The following DVL1 variants were observed in gnomAD, a reference collection of about 807,000 sequenced individuals.
DVL1 encodes the protein dishevelled segment polarity protein 1, also known as segment polarity protein dishevelled homolog DVL-1.
In DVL1, 49 loss-of-function variants were observed where a neutral mutation model predicts 65.0. The observed-to-expected ratio is 0.75, with a 90% CI of 0.60 to 0.96. The LOEUF (loss-of-function observed/expected upper bound fraction) is 0.96. Among genes scored for constraint, DVL1 ranks in the 40% least tolerant of loss-of-function variants. The probability of loss-of-function intolerance (pLI) is 0.00; values close to 1 mark genes in which losing one functional copy is unlikely to be tolerated. For missense variants in DVL1, 1,197 were observed against 1,045.4 expected (o/e 1.15, Z -2.00); for synonymous variants, 608 against 433.9 (o/e 1.40, Z -4.99).
At chr1:1,342,590 C>T in intron 2 of DVL1, 99 bp downstream of exon 2, 1 of 1,574,492 alleles carries the variant, frequency 6.4e-7, no homozygotes, top group East Asian at 2.3e-5. Flanking sequence ...CCGCACCCAG[C>T]CTGCCAGGGC....
intron 5 of DVL1, 92 bp downstream of exon 5, chr1:1,341,575 G>A (rs2100746322): frequency 4.1e-6 from 6 of 1,456,252 alleles, no homozygotes; most frequent in South Asian, 4.0e-5. Flanking sequence ...CACGTGCAAT[G>A]TGAAAACACC....
intron 1 of DVL1, among the ~76,000 whole-genome samples, chr1:1,348,565 C>T (rs1643958435): frequency 6.6e-6 from 1 of 152,242 alleles, no homozygotes; most frequent in Non-Finnish European, 1.5e-5. Flanking sequence ...GCCCCTGACC[C>T]CAGCCCGCAC....
At chr1:1,337,817 T>G in intron 14 of DVL1, 160 bp downstream of exon 14, 1 of 725,336 alleles carries the variant, frequency 1.4e-6, no homozygotes, top group Non-Finnish European at 2.5e-6. Flanking sequence ...GAGCATGGGA[T>G]TGGGGTCAGC....
At chr1:1,338,232 C>CA in intron 13 of DVL1, 37 bp downstream of exon 13, 2 of 917,122 alleles carry the variant, frequency 2.2e-6, no homozygotes, top group Non-Finnish European at 3.4e-6. Context: ...CCGGCGTTCC[C>CA]CTCCCCCCCG....
chr1:1,347,784 C>T (rs746759411), intron 1 of DVL1, among the ~76,000 whole-genome samples: 11 of 152,230 alleles, frequency 7.2e-5, no homozygotes, highest in South Asian at 4.2e-4. Context: ...GCAGGAGGGC[C>T]GCTGAGCCGA....
intron 1 of DVL1, among the ~76,000 whole-genome samples, chr1:1,345,140 G>A (rs1266541571): frequency 6.6e-6 from 1 of 152,018 alleles, no homozygotes; most frequent in Non-Finnish European, 1.5e-5. Flanking sequence ...AAGCCCGCAT[G>A]GCCCACCCAG....
Position 1,342,502 on chromosome 1 carries a change from A to T in DVL1, c.241-18T>A. On this transcript the variant is annotated intron_variant, in intron 2 of 14. Transcript: ENST00000378888. ...AGGACCAGCTGTGGAGGGAGCAGGC[A>T]TGCTCAGGGGAGCCCACCCGCCTTC... 6.2e-7 allele frequency: 1 copy of T among 1,608,724 alleles called. No individual in the cohort carries two copies. Among genetic ancestry groups the T allele is most frequent in the Non-Finnish European group, 8.5e-7 (1 of 1,178,614 alleles).
rs1382463447 is a variant in DVL1 at position 1,340,093 on chromosome 1, T to C, written c.854A>G (p.Lys285Arg). 4.3e-6 allele frequency: 7 copies of C among 1,613,264 alleles called. No individual in the cohort carries two copies. The African/African-American group carries it at 8.0e-5, about 18-fold the overall frequency. The change falls in exon 8 of 15, where the codon AAG becomes AGG. Residue 285 changes from lysine to arginine, a missense_variant. Lys to Arg is a conservative substitution (Grantham distance 26, BLOSUM62 2). Transcript: ENST00000378888. ...GCCGTCAGCGGCCACAGCCCCGCCC[T>C]TCATGATGGAGCCAATGTAGATGCC... ...DGGIYIGSIMKGGAVAADGRI... is the reference protein window; with the variant it reads ...DGGIYIGSIMRGGAVAADGRI...
At position 1,349,224 on chromosome 1, in the gene DVL1, C is replaced by T; in HGVS notation, c.-159G>A. The T allele has an allele frequency of 3.8e-6, 1 of 262,542 alleles. No individual in the cohort carries two copies. Among genetic ancestry groups the T allele is most frequent in the Non-Finnish European group, 5.8e-6 (1 of 172,270 alleles). The allele number at this position is 262,542 out of a possible 1,614,324, so 16.3% of individuals were successfully genotyped here. A position where few individuals can be genotyped will look rare whatever the true frequency, so the allele number is the denominator to read the frequency against. ...CGCCCCCGCCCGACCGCCCAGGCCCCGGCCGCCGCCCCCGGCTCCCGCGCG... is the reference window on the plus strand; with the variant it reads ...CGCCCCCGCCCGACCGCCCAGGCCCTGGCCGCCGCCCCCGGCTCCCGCGCG... On this transcript the variant is annotated 5_prime_UTR_variant, in exon 1 of 15. Coordinates refer to ENST00000378888, the MANE Select transcript of DVL1 (RefSeq NM_001330311.2). The surrounding 1 kb of genome is among the most constrained non-coding windows in gnomAD (Gnocchi z 4.1).
Position 1,339,393 on chromosome 1 carries a change from C to T in DVL1, c.1101G>A (p.Thr367=), listed in dbSNP as rs775371452. 20 of 1,530,240 alleles carry T rather than the reference C, an allele frequency of 1.3e-5. No individual in the cohort carries two copies. In the Admixed American group the frequency reaches 2.6e-4, roughly 20 times the overall value. 94.8% of individuals were successfully genotyped at this position (1,530,240 alleles called of 1,614,324 possible). ...PIDPAAWLSH[T]AALTGALPRY... ...GGGGCAGGGCTCCTGTCAGTGCCGCCGTGTGGGACAGCCAGGCGGCGGGGT... is the reference window on the plus strand; with the variant it reads ...GGGGCAGGGCTCCTGTCAGTGCCGCTGTGTGGGACAGCCAGGCGGCGGGGT... Residue 367 remains threonine (T), a synonymous_variant, in exon 11 of 15, where the codon ACG becomes ACA. Transcript: ENST00000378888.
At chr1:1,340,351 G>A (rs373805790) in intron 6 of DVL1, 35 bp from the exon 7 acceptor site, 2 of 1,613,664 alleles carry the variant, frequency 1.2e-6, no homozygotes, top group Admixed American at 1.7e-5. Context: ...AAAAGGCACG[G>A]GGCTGCCCGA....
chr1:1,348,881 TCG>T lies in DVL1; in HGVS notation c.170+13_170+14del. The T allele has an allele frequency of 6.6e-7, 1 of 1,524,960 alleles. No individual in the cohort carries two copies. Among genetic ancestry groups the T allele is most frequent in the Non-Finnish European group, 8.8e-7 (1 of 1,133,136 alleles). The allele number at this position is 1,524,960 out of a possible 1,614,324, so 94.5% of individuals were successfully genotyped here. On this transcript the variant is annotated intron_variant, in intron 1 of 14. Coordinates refer to ENST00000378888, the MANE Select transcript of DVL1 (RefSeq NM_001330311.2). ...AGCCCGCGCCAGGCTCGCGCAGGCCTCGCGGCCGACTGACCCGAAGTCCTGGT... is the reference window on the plus strand; with the variant it reads ...AGCCCGCGCCAGGCTCGCGCAGGCCTCGGCCGACTGACCCGAAGTCCTGGT...
chr1:1,349,347 G>GC lies in DVL1; in HGVS notation c.-283dup, dbSNP rs1021133942. The GC allele has an allele frequency of 6.9e-6, 1 of 145,264 alleles. No homozygotes were observed. Among genetic ancestry groups the GC allele is most frequent in the Non-Finnish European group, 1.5e-5 (1 of 65,440 alleles). 9.0% of individuals were successfully genotyped at this position (145,264 alleles called of 1,614,324 possible). A position where few individuals can be genotyped will look rare whatever the true frequency, so the allele number is the denominator to read the frequency against. On this transcript the variant is annotated 5_prime_UTR_variant, in exon 1 of 15. Coordinates refer to ENST00000378888, the MANE Select transcript of DVL1 (RefSeq NM_001330311.2). The surrounding 1 kb of genome is among the most constrained non-coding windows in gnomAD (Gnocchi z 4.1). Reference sequence around the variant, plus strand: ...CACGGAGGGCGCGCTCAGCCCCGCCGCCCTCCCGCCTGCGCCCCTCGGGCC... The same window carrying GC: ...CACGGAGGGCGCGCTCAGCCCCGCCGCCCCTCCCGCCTGCGCCCCTCGGGCC...
At chr1:1,337,292 C>A (rs1030382344) in intron 14 of DVL1, among the ~76,000 whole-genome samples, 62 of 152,280 alleles carry the variant, frequency 4.1e-4, no homozygotes, top group African/African-American at 1.3e-3. Context: ...CACCTGCACC[C>A]CTCCCTGGCC....
Position 1,340,258 on chromosome 1 carries a change from G to T in DVL1, c.758C>A (p.Thr253Lys). Residue 253 changes from threonine (T) to lysine (K), a missense_variant, in exon 7 of 15, where the codon ACG becomes AAG. Transcript: ENST00000378888. ...CCCCGAGGCCTCACCCATGTTGAGC[G>T]TGACAGTGACGATGTTGAGGGACAT... ...STMSLNIVTV[T>K]LNMERHHFLG... is the part of the protein sequence containing the mutation. 6.2e-7 allele frequency: 1 copy of T among 1,614,024 alleles called. No individual in the cohort carries two copies. The highest frequency in any genetic ancestry group is 1.3e-5 in the African/African-American group (1 of 75,052).
At chr1:1,348,469 C>T (rs1157965700) in intron 1 of DVL1, among the ~76,000 whole-genome samples, 1 of 152,226 alleles carries the variant, frequency 6.6e-6, no homozygotes, top group African/African-American at 2.4e-5. Flanking sequence ...CTTCTGCAAA[C>T]CCTAGCAGAC....
chr1:1,342,168 G>T lies in DVL1; in HGVS notation c.363-12C>A, dbSNP rs1414895688. On this transcript the variant is annotated splice_polypyrimidine_tract_variant and intron_variant, in intron 3 of 14. Transcript: ENST00000378888. ...TGGCCACATTTGGGCTGTGCAACAA[G>T]AGCAGGGTGGGTGGGGAGGCCGTGG... is the stretch of plus-strand genomic sequence containing the variant. The T allele has an allele frequency of 6.4e-7, 1 of 1,550,542 alleles. No homozygotes were observed.
rs1441822888 is a variant in DVL1, at chr1:1,336,027, T to G, written c.*115A>C. ...CAGGGCAGATGGTGGTGGTCCAGCC[T>G]GCCCCCCACCCTGCCTCCCGTCCTG... is the stretch of plus-strand genomic sequence containing the variant. On this transcript the variant is annotated 3_prime_UTR_variant, in exon 15 of 15. Coordinates refer to ENST00000378888, the MANE Select transcript of DVL1 (RefSeq NM_001330311.2). 2 of 1,377,464 alleles carry G rather than the reference T, an allele frequency of 1.5e-6. No individual in the cohort carries two copies. The highest frequency in any genetic ancestry group is 4.4e-5 in the Admixed American group (2 of 45,552). 85.3% of individuals were successfully genotyped at this position (1,377,464 alleles called of 1,614,324 possible).
chr1:1,337,987 C>T lies in DVL1; in HGVS notation c.1704G>A (p.Gln568=), dbSNP rs770453846. The T allele has an allele frequency of 6.2e-7, 1 of 1,611,346 alleles. No homozygotes were observed. Among genetic ancestry groups the T allele is most frequent in the South Asian group, 1.1e-5 (1 of 90,982 alleles). ...FSYGSGSTGS[Q]QSEGSKSSGS... is the part of the protein sequence containing the mutation. ...GGGCGGCGTTCTCACCTTCACTCTG[C>T]TGACTCCCGGTGCTGCCGCTGCCAT... Residue 568 remains glutamine, a synonymous_variant, in exon 14 of 15, where the codon CAG becomes CAA. Transcript: ENST00000378888.
Sources: allele counts gnomAD v4.1 joint callset (sites outside exome capture counted in the v4.1 genomes callset), GRCh38; gene constraint gnomAD v4.1.1; non-coding constraint Gnocchi (gnomAD v3.1); transcripts MANE v1.5; gene names NCBI Gene and HGNC (gene_info 2026-07-23, HGNC 2026-07-21).